The following HCN1 variants were observed in gnomAD, a reference collection of about 807,000 sequenced individuals.
HCN1 encodes the protein hyperpolarization activated cyclic nucleotide gated potassium channel 1.
A neutral mutation model predicts 78.9 loss-of-function variants in HCN1; 13 were observed. The observed-to-expected ratio is 0.16, with a 90% confidence interval of 0.11 to 0.26. The LOEUF is 0.26. Among genes scored for constraint, HCN1 ranks in the 10% least tolerant of loss-of-function variants. The pLI, the probability that HCN1 is intolerant of heterozygous loss-of-function variation, is 1.00. For missense variants in HCN1, 810 were observed against 1,154.3 expected, an observed-to-expected ratio of 0.70 and a Z score of 4.32; for synonymous variants, 552 against 455.5, an observed-to-expected ratio of 1.21 and a Z score of -2.70.
At chr5:45,517,044 A>G (rs540535515) in intron 2 of HCN1, among the ~76,000 whole-genome samples, 2 of 152,104 alleles carry the variant, frequency 1.3e-5, no homozygotes, top group Non-Finnish European at 1.5e-5. Context: ...TTTGTGGAAA[A>G]CTGTGTTAGG....
intron 5 of HCN1, among the ~76,000 whole-genome samples, chr5:45,341,707 T>C (rs1396079751): frequency 6.6e-6 from 1 of 152,140 alleles, no homozygotes; most frequent in African/African-American, 2.4e-5. Context: ...CAGTGAGCTA[T>C]AGTTTCACCA....
intron 2 of HCN1, among the ~76,000 whole-genome samples, chr5:45,496,827 T>C (rs1208733518): frequency 6.6e-6 from 1 of 151,814 alleles, no homozygotes; most frequent in Non-Finnish European, 1.5e-5. Flanking sequence ...TCCTGCTTTC[T>C]CTTGTGGGCA....
chr5:45,437,054 C>A (rs1171944151), intron 3 of HCN1, among the ~76,000 whole-genome samples: 2 of 152,058 alleles, frequency 1.3e-5, no homozygotes, highest in African/African-American at 4.8e-5. Context: ...ATGGCAAATC[C>A]AAATTGGTGG....
chr5:45,446,223 G>A (rs899165392), intron 3 of HCN1, among the ~76,000 whole-genome samples: 12 of 152,324 alleles, frequency 7.9e-5, no homozygotes, highest in African/African-American at 2.4e-4. Context: ...GCCAAGGCTC[G>A]AGAACTATGT....
In HCN1 at chr5:45,313,973, C is replaced by A. The variant is rs1030087032; in HGVS notation, c.1378-10134G>T. Among the ~76,000 whole-genome samples, 24 of 152,108 alleles carry A rather than the reference C, an allele frequency of 1.6e-4. 1 individual carries two copies. The highest frequency in any genetic ancestry group is 4.4e-5 in the Non-Finnish European group (3 of 68,028). On this transcript the variant is annotated intron_variant, in intron 5 of 7. Coordinates refer to ENST00000303230, the MANE Select transcript of HCN1 (RefSeq NM_021072.4). ...ATATTATCCAGGAGAACTTCCCCAA[C>A]CTAGCAAGGCAGGCCAACATTCAAA... is the stretch of plus-strand genomic sequence containing the variant.
At chr5:45,671,435 G>T (rs774290758) in intron 1 of HCN1, among the ~76,000 whole-genome samples, 1 of 150,680 alleles carries the variant, frequency 6.6e-6, no homozygotes, top group African/African-American at 2.4e-5. Context: ...ATAGATAATC[G>T]CTTCACCCCA....
At chr5:45,360,807 G>A (rs1191224348) in intron 4 of HCN1, among the ~76,000 whole-genome samples, 2 of 152,066 alleles carry the variant, frequency 1.3e-5, no homozygotes, top group Non-Finnish European at 2.9e-5. Context: ...ATGAGGGAAA[G>A]CAGATGGTTT....
chr5:45,450,801 A>G (rs577502425), intron 3 of HCN1, among the ~76,000 whole-genome samples: 38 of 152,310 alleles, frequency 2.5e-4, no homozygotes, highest in Non-Finnish European at 4.7e-4. Flanking sequence ...TAGGATCTCA[A>G]ACAACACATG....
intron 4 of HCN1, among the ~76,000 whole-genome samples, chr5:45,392,397 A>G (rs558834579): frequency 3.8e-4 from 58 of 152,314 alleles, no homozygotes; most frequent in Middle Eastern, 6.8e-3. Context: ...CCTGAGCTAA[A>G]TAGGTTTAGA....
chr5:45,425,327 T>C (rs1374978250), intron 3 of HCN1, among the ~76,000 whole-genome samples: 1 of 152,220 alleles, frequency 6.6e-6, no homozygotes, highest in African/African-American at 2.4e-5. Context: ...ACCAAGAAAT[T>C]CATTTATTTG....
rs1400308471 is a variant in HCN1 at position 45,255,528 on chromosome 5, A to G, written c.*6393T>C. 1 of 152,188 alleles carries G rather than the reference A, an allele frequency of 6.6e-6. No homozygotes were observed. The highest frequency in any genetic ancestry group is 1.5e-5 in the Non-Finnish European group (1 of 68,030). 9.4% of individuals were successfully genotyped at this position (152,188 alleles called of 1,614,324 possible). A position where few individuals can be genotyped will look rare whatever the true frequency, so the allele number is the denominator to read the frequency against. ...CTGACGCTGCAGTTCCATGCACCACACTTTCCACAGTGAGGCACGCAAGAA... is the reference window on the plus strand; with the variant it reads ...CTGACGCTGCAGTTCCATGCACCACGCTTTCCACAGTGAGGCACGCAAGAA... On this transcript the variant is annotated 3_prime_UTR_variant, in exon 8 of 8. Transcript: ENST00000303230.
intron 5 of HCN1, among the ~76,000 whole-genome samples, chr5:45,346,305 T>C (rs79094604): frequency 0.051 from 7,747 of 152,166 alleles, 429 homozygotes; most frequent in East Asian, 0.3. Flanking sequence ...ATTGAGTACA[T>C]AGAAACCTTT....
rs562958042 is a variant in HCN1 at position 45,498,838 on chromosome 5, G to A, written c.850-36831C>T. 2.1e-3 allele frequency among the ~76,000 whole-genome samples: 318 copies of A among 152,122 alleles called. 3 individuals are homozygous for A. Among genetic ancestry groups the A allele is most frequent in the African/African-American group, 7.4e-3 (308 of 41,522 alleles). On this transcript the variant is annotated intron_variant, in intron 2 of 7. Coordinates refer to ENST00000303230, the MANE Select transcript of HCN1 (RefSeq NM_021072.4). ...CAGCTGCAGGTCTGTTGGAGTACCC[G>A]GCCGTGTGAGGTGTCAGTCTGCCCC...
At chr5:45,353,351 CA>C (rs374165332) in intron 4 of HCN1, 105 bp from the exon 5 acceptor site, 422 of 820,816 alleles carry the variant, frequency 5.1e-4, no homozygotes, top group South Asian at 6.9e-4. Context: ...TACTCAGTTA[CA>C]AAAAAAAAGA....
rs368203568 is a variant in HCN1 at position 45,293,162 on chromosome 5, G to C, written c.1618+10437C>G. The stretch of plus-strand genomic sequence containing the variant: ...GGTATTTCTGTCTTTAGGTCTTTGA[G>C]GAATTACAACACTGTCTTCCACAGT... On this transcript the variant is annotated intron_variant, in intron 6 of 7. Transcript: ENST00000303230. Among the ~76,000 whole-genome samples the C allele has an allele frequency of 8.6e-5, 13 of 152,044 alleles. No individual in the cohort carries two copies. The East Asian group carries it at 2.3e-3, about 27-fold the overall frequency.
At chr5:45,519,486 T>C (rs1742574444) in intron 2 of HCN1, among the ~76,000 whole-genome samples, 1 of 151,988 alleles carries the variant, frequency 6.6e-6, no homozygotes, top group Non-Finnish European at 1.5e-5. Context: ...GATATTGAAT[T>C]TGTAATATTT....
chr5:45,443,535 T>G (rs972751730), intron 3 of HCN1, among the ~76,000 whole-genome samples: 6 of 152,070 alleles, frequency 3.9e-5, no homozygotes, highest in Non-Finnish European at 2.9e-5. Flanking sequence ...AAAGATGCGT[T>G]AACTCATCCA....
intron 3 of HCN1, among the ~76,000 whole-genome samples, chr5:45,409,025 C>A (rs1212907315): frequency 6.6e-6 from 1 of 151,866 alleles, no homozygotes; most frequent in Admixed American, 6.6e-5. Context: ...AATTCTTTTA[C>A]CATATATGAG....
intron 1 of HCN1, among the ~76,000 whole-genome samples, chr5:45,668,049 T>G (rs1018662408): frequency 2.0e-5 from 3 of 152,004 alleles, no homozygotes; most frequent in African/African-American, 7.2e-5. Context: ...CCAGGGCTCT[T>G]TCCTATGTAA....
Sources: gnomAD v4.1 joint callset for allele counts (sites outside exome capture counted in the v4.1 genomes callset) on GRCh38, gnomAD v4.1.1 for gene constraint, MANE v1.5 for transcripts, NCBI Gene and HGNC (gene_info 2026-07-23, HGNC 2026-07-21) for gene names.